ILRUN: variants seen among roughly 807,000 people sequenced by gnomAD.
ILRUN encodes the protein protein ILRUN.
In ILRUN, 3 loss-of-function variants were observed where a neutral mutation model predicts 33.8. The ratio of observed to expected loss-of-function variants is 0.09; its 90% CI spans 0.04 to 0.23. The LOEUF (loss-of-function observed/expected upper bound fraction) is 0.23, where lower values mean the gene tolerates loss of function less well. Among genes scored for constraint, ILRUN ranks in the 10% least tolerant of loss-of-function variants. ILRUN has a pLI of 1.00. For missense variants in ILRUN, 210 were observed against 375.1 expected, an observed-to-expected ratio of 0.56 and a Z score of 3.64; for synonymous variants, 124 against 138.9, an observed-to-expected ratio of 0.89 and a Z score of 0.75.
chr6:34,628,499 A>G lies in ILRUN; in HGVS notation c.511+18102T>C, dbSNP rs1410212090. On this transcript the variant is annotated intron_variant, in intron 3 of 4. Coordinates refer to ENST00000374023, the MANE Select transcript of ILRUN (RefSeq NM_024294.4). ...ACTCACCTGCCACCACGCCTGGCTA[A>G]TTTTTTGTAATTTTAGTAGACACGG... Among the ~76,000 whole-genome samples, 58 of 151,854 alleles carry G rather than the reference A, an allele frequency of 3.8e-4. 1 individual carries two copies. Among genetic ancestry groups the G allele is most frequent in the Non-Finnish European group, 2.9e-5 (2 of 67,896 alleles).
At chr6:34,666,413 T>A (rs1274372490) in intron 1 of ILRUN, among the ~76,000 whole-genome samples, 1 of 151,942 alleles carries the variant, frequency 6.6e-6, no homozygotes, top group Non-Finnish European at 1.5e-5. Flanking sequence ...AATACAAAAT[T>A]AGCCAGGCGT....
chr6:34,685,725 ACT>A (rs1491275063), intron 1 of ILRUN: 1 of 152,112 alleles, frequency 6.6e-6, no homozygotes, highest in Non-Finnish European at 1.5e-5. Context: ...AATCCTGCAC[ACT>A]TTTTTTCTGC....
chr6:34,693,090 T>C (rs1010784184), intron 1 of ILRUN, among the ~76,000 whole-genome samples: 7 of 150,698 alleles, frequency 4.6e-5, no homozygotes, highest in African/African-American at 1.7e-4. Flanking sequence ...AAAAATAAAA[T>C]AAAAATCTGT....
At chr6:34,647,482 G>A (rs375026224) in intron 2 of ILRUN, among the ~76,000 whole-genome samples, 9 of 152,278 alleles carry the variant, frequency 5.9e-5, no homozygotes, top group South Asian at 2.1e-4. Flanking sequence ...GCACTAGTTG[G>A]AGGAGTTGGA....
chr6:34,651,840 T>TG (rs1278676882), intron 2 of ILRUN, among the ~76,000 whole-genome samples: 2 of 146,126 alleles, frequency 1.4e-5, no homozygotes, highest in Non-Finnish European at 3.0e-5. Context: ...TTGCCCAGGC[T>TG]GGAGTGCAGC....
rs1021527453 is a variant in ILRUN at position 34,588,524 on chromosome 6, C to G, written c.*2041G>C. On this transcript the variant is annotated 3_prime_UTR_variant, in exon 5 of 5. Coordinates refer to ENST00000374023, the MANE Select transcript of ILRUN (RefSeq NM_024294.4). ...TCCAGGGAGGCAGTGTCTCAGGAGA[C>G]TGGTACCAGCAGCAGCAGTCTGGGC... 9 of 295,886 alleles carry G rather than the reference C, an allele frequency of 3.0e-5. No individual in the cohort carries two copies. The highest frequency in any genetic ancestry group is 1.7e-4 in the African/African-American group (8 of 46,486). The allele number at this position is 295,886 out of a possible 1,614,324, so 18.3% of individuals were successfully genotyped here.
chr6:34,653,521 G>C (rs780082906), intron 2 of ILRUN, among the ~76,000 whole-genome samples: 9 of 152,184 alleles, frequency 5.9e-5, no homozygotes, highest in Non-Finnish European at 1.2e-4. Context: ...ACCATGCTCA[G>C]CCTATGGTTA....
At chr6:34,631,751 G>A (rs1762250235) in intron 3 of ILRUN, among the ~76,000 whole-genome samples, 1 of 152,208 alleles carries the variant, frequency 6.6e-6, no homozygotes, top group Non-Finnish European at 1.5e-5. Flanking sequence ...AGGGAGGAAA[G>A]GGGAGCCATG....
intron 3 of ILRUN, among the ~76,000 whole-genome samples, chr6:34,628,210 G>A (rs1287994467): frequency 4.0e-5 from 6 of 151,176 alleles, no homozygotes; most frequent in African/African-American, 9.7e-5. Flanking sequence ...TAGTAGAGAC[G>A]AGGTTTCACC....
chr6:34,683,399 C>CATATATACATATATATACATAT (rs1763416081), intron 1 of ILRUN, among the ~76,000 whole-genome samples: 11 of 111,154 alleles, frequency 9.9e-5, no homozygotes, highest in Non-Finnish European at 1.0e-4. Context: ...TATATATGCA[C>CATATATACATATATATACATAT]ATATATACAT....
At position 34,654,692 on chromosome 6, in the gene ILRUN, G is replaced by T. The variant is rs781732895; in HGVS notation, c.246C>A (p.Thr82=). The T allele has an allele frequency of 6.2e-7, 1 of 1,613,988 alleles. No individual in the cohort carries two copies. Among genetic ancestry groups the T allele is most frequent in the Non-Finnish European group, 8.5e-7 (1 of 1,179,956 alleles). Residue 82 remains threonine, a synonymous_variant, in exon 2 of 5, where the codon ACC becomes ACA. Coordinates refer to ENST00000374023, the MANE Select transcript of ILRUN (RefSeq NM_024294.4). ...VPSMSFVEDV[T]IGEGESIPPD... The stretch of plus-strand genomic sequence containing the variant: ...GAGGTATTGACTCCCCTTCTCCTAT[G>T]GTGACATCTTCAACAAAGGACATAG...
chr6:34,650,795 C>T (rs150873591), intron 2 of ILRUN, among the ~76,000 whole-genome samples: 354 of 152,234 alleles, frequency 2.3e-3, no homozygotes, highest in Admixed American at 2.2e-3. Flanking sequence ...TCGCCTTCTT[C>T]GGGAAAGCTA....
intron 3 of ILRUN, among the ~76,000 whole-genome samples, chr6:34,641,646 T>G (rs1408237395): frequency 1.3e-5 from 2 of 152,148 alleles, no homozygotes; most frequent in Non-Finnish European, 2.9e-5. Flanking sequence ...TTAACAAAAA[T>G]GCTTGAAAAC....
chr6:34,672,320 C>G (rs1763135360), intron 1 of ILRUN, among the ~76,000 whole-genome samples: 1 of 152,070 alleles, frequency 6.6e-6, no homozygotes, highest in Non-Finnish European at 1.5e-5. Flanking sequence ...GTCTCGAATT[C>G]CTGACCTCAA....
intron 1 of ILRUN, among the ~76,000 whole-genome samples, chr6:34,656,417 A>T (rs1462204499): frequency 6.6e-6 from 1 of 152,184 alleles, no homozygotes; most frequent in African/African-American, 2.4e-5. Flanking sequence ...TATCAGTGCC[A>T]GAAACCAAGG....
chr6:34,619,699 G>GA (rs1228124339), intron 3 of ILRUN, among the ~76,000 whole-genome samples: 3 of 151,990 alleles, frequency 2.0e-5, no homozygotes, highest in South Asian at 2.1e-4. Context: ...CATATTAAGT[G>GA]AAAAAAAGTG....
At chr6:34,624,801 C>T (rs1401506599) in intron 3 of ILRUN, among the ~76,000 whole-genome samples, 3 of 152,014 alleles carry the variant, frequency 2.0e-5, no homozygotes, top group African/African-American at 7.2e-5. Flanking sequence ...AAACTCAAAC[C>T]CTATTTTGGA....
At position 34,651,099 on chromosome 6, in the gene ILRUN, G is replaced by A. The variant is rs575189007; in HGVS notation, c.313+3526C>T. ...ATGTTCTTCCTCTCTCAAATAACAT[G>A]CCTGATACTCAGTAACGGGTGGCCA... On this transcript the variant is annotated intron_variant, in intron 2 of 4. Coordinates refer to ENST00000374023, the MANE Select transcript of ILRUN (RefSeq NM_024294.4). Among the ~76,000 whole-genome samples the A allele has an allele frequency of 1.4e-4, 22 of 152,204 alleles. No homozygotes were observed. The East Asian group carries it at 3.9e-3, about 27-fold the overall frequency.
chr6:34,597,539 C>T (rs1336200769), intron 4 of ILRUN, among the ~76,000 whole-genome samples: 1 of 152,218 alleles, frequency 6.6e-6, no homozygotes, highest in Non-Finnish European at 1.5e-5. Flanking sequence ...TGTCAACTAC[C>T]CTTTCCTTAC....
Sources: gnomAD v4.1 joint callset for allele counts (sites outside exome capture counted in the v4.1 genomes callset) on GRCh38, gnomAD v4.1.1 for gene constraint, MANE v1.5 for transcripts, NCBI Gene and HGNC (gene_info 2026-07-23, HGNC 2026-07-21) for gene names.